Variants in KIF26B observed in about 807,000 individuals in gnomAD.
The protein encoded by KIF26B is kinesin family member 26B.
Under a neutral mutation model 151.2 loss-of-function variants are expected in KIF26B, and 63 were observed. The ratio of observed to expected loss-of-function variants is 0.42; its 90% CI spans 0.34 to 0.51. The LOEUF (loss-of-function observed/expected upper bound fraction) is 0.51, where lower values mean the gene tolerates loss of function less well. Among genes scored for constraint, KIF26B ranks in the 20% least tolerant of loss-of-function variants. The pLI is 0.07. For missense variants in KIF26B, 2,813 were observed against 2,913.6 expected, an observed-to-expected ratio of 0.97 and a Z score of 0.79; for synonymous variants, 1,357 against 1,262.1, an observed-to-expected ratio of 1.08 and a Z score of -1.59.
chr1:245,308,001 T>G lies in KIF26B; in HGVS notation c.466-58833T>G, dbSNP rs372616241. On this transcript the variant is annotated intron_variant, in intron 2 of 14. Transcript: ENST00000407071. Reference sequence around the variant, plus strand: ...TTAATCTTTCAGTCCAACTTTGATATCAATTGTTAACTCTTGAGACCATTT... The same window carrying G: ...TTAATCTTTCAGTCCAACTTTGATAGCAATTGTTAACTCTTGAGACCATTT... Among the ~76,000 whole-genome samples the G allele has an allele frequency of 4.6e-5, 7 of 152,222 alleles. No homozygotes were observed. In the East Asian group the frequency reaches 7.7e-4, roughly 17 times the overall value.
At chr1:245,633,197 T>A (rs1476811691) in intron 9 of KIF26B, among the ~76,000 whole-genome samples, 1 of 152,102 alleles carries the variant, frequency 6.6e-6, no homozygotes, top group Non-Finnish European at 1.5e-5. Context: ...TTTCATGGAA[T>A]AATTTTTTCC....
chr1:245,289,214 T>C (rs1455567565), intron 2 of KIF26B, among the ~76,000 whole-genome samples: 4 of 152,166 alleles, frequency 2.6e-5, no homozygotes, highest in African/African-American at 7.2e-5. Context: ...ATAATGAAAT[T>C]AGAATTTTGA....
intron 4 of KIF26B, among the ~76,000 whole-genome samples, chr1:245,486,868 G>A (rs868760151): frequency 5.9e-5 from 9 of 152,092 alleles, no homozygotes; most frequent in African/African-American, 2.2e-4. Flanking sequence ...ACAGGGTCTC[G>A]CTGTGTTGCC....
chr1:245,173,215 A>G (rs1668743156), intron 2 of KIF26B, among the ~76,000 whole-genome samples: 1 of 152,222 alleles, frequency 6.6e-6, no homozygotes, highest in Non-Finnish European at 1.5e-5. Flanking sequence ...TAGACATAGA[A>G]AGTAGGATGG....
At chr1:245,304,255 A>G (rs562831959) in intron 2 of KIF26B, among the ~76,000 whole-genome samples, 1 of 152,130 alleles carries the variant, frequency 6.6e-6, no homozygotes, top group African/African-American at 2.4e-5. Flanking sequence ...CCCTCTAGAG[A>G]TGGTTCTAAA....
intron 4 of KIF26B, among the ~76,000 whole-genome samples, chr1:245,450,264 CATA>C (rs1197169441): frequency 2.6e-5 from 4 of 152,204 alleles, no homozygotes; most frequent in Non-Finnish European, 5.9e-5. Flanking sequence ...TTGGAAACAA[CATA>C]ATGATTCCTT....
chr1:245,184,707 T>C (rs1573694792), intron 2 of KIF26B, among the ~76,000 whole-genome samples: 1 of 152,236 alleles, frequency 6.6e-6, no homozygotes, highest in Non-Finnish European at 1.5e-5. Context: ...CAGTTTCTCA[T>C]TGATGCAATT....
chr1:245,605,096 C>CT (rs910005827), intron 6 of KIF26B, among the ~76,000 whole-genome samples: 1 of 152,190 alleles, frequency 6.6e-6, no homozygotes, highest in African/African-American at 2.4e-5. Flanking sequence ...TCAGGCGAGT[C>CT]ACTCAACCTC....
chr1:245,202,304 G>A (rs1421491732), intron 2 of KIF26B, among the ~76,000 whole-genome samples: 2 of 152,164 alleles, frequency 1.3e-5, no homozygotes, highest in African/African-American at 4.8e-5. Context: ...CCAAGAAAAT[G>A]ATGAGAAATT....
chr1:245,528,989 G>A (rs973134691), intron 4 of KIF26B, among the ~76,000 whole-genome samples: 2 of 152,152 alleles, frequency 1.3e-5, no homozygotes, highest in African/African-American at 2.4e-5. Context: ...CACAGAGTGT[G>A]GCACCAACTT....
intron 2 of KIF26B, among the ~76,000 whole-genome samples, chr1:245,344,948 C>G (rs1345142336): frequency 6.6e-6 from 1 of 152,040 alleles, no homozygotes; most frequent in Non-Finnish European, 1.5e-5. Context: ...ATTCTATACC[C>G]CACCCGATGC....
At chr1:245,319,652 T>C (rs574277491) in intron 2 of KIF26B, among the ~76,000 whole-genome samples, 2 of 152,296 alleles carry the variant, frequency 1.3e-5, no homozygotes, top group Admixed American at 1.3e-4. Context: ...TGGAAAAATG[T>C]CTCCATTAAT....
At chr1:245,199,565 G>T (rs372933623) in intron 2 of KIF26B, among the ~76,000 whole-genome samples, 1 of 150,682 alleles carries the variant, frequency 6.6e-6, no homozygotes, top group African/African-American at 2.4e-5. Context: ...TGCAACCTCC[G>T]CCTCCCAGGT....
chr1:245,389,661 T>C (rs1035533332), intron 3 of KIF26B, among the ~76,000 whole-genome samples: 18 of 152,218 alleles, frequency 1.2e-4, no homozygotes, highest in Admixed American at 7.2e-4. Flanking sequence ...GTAAATTATG[T>C]TTTGGAGGAA....
At chr1:245,581,136 TGAG>T (rs1204617311) in intron 5 of KIF26B, among the ~76,000 whole-genome samples, 2 of 152,208 alleles carry the variant, frequency 1.3e-5, no homozygotes, top group South Asian at 2.1e-4. Context: ...GTTCCACACA[TGAG>T]GAGAAATCAA....
Position 245,703,668 on chromosome 1 carries a change from A to ATTTTCTAGTG in KIF26B, c.*1065_*1074dup, listed in dbSNP as rs1433656366. 3 of 152,126 alleles carry ATTTTCTAGTG rather than the reference A, an allele frequency of 2.0e-5. No homozygotes were observed. Among genetic ancestry groups the ATTTTCTAGTG allele is most frequent in the African/African-American group, 7.2e-5 (3 of 41,410 alleles). The allele number at this position is 152,126 out of a possible 1,614,324, so 9.4% of individuals were successfully genotyped here. A position where few individuals can be genotyped will look rare whatever the true frequency, so the allele number is the denominator to read the frequency against. On this transcript the variant is annotated 3_prime_UTR_variant, in exon 15 of 15. Coordinates refer to ENST00000407071, the MANE Select transcript of KIF26B (RefSeq NM_018012.4). ...CCAGAGCCATATTTCTTTCTTTAGT[A>ATTTTCTAGTG]TTTTCTAGTGTTGTGTTGTAGATTG...
intron 2 of KIF26B, among the ~76,000 whole-genome samples, chr1:245,363,995 G>A (rs966365048): frequency 2.0e-5 from 3 of 152,120 alleles, no homozygotes; most frequent in African/African-American, 7.2e-5. Context: ...ATGTATGTAC[G>A]GATTGGTCCT....
chr1:245,699,164 A>T, intron 14 of KIF26B, 127 bp downstream of exon 14: 1 of 965,240 alleles, frequency 1.0e-6, no homozygotes, highest in Non-Finnish European at 1.5e-6. Context: ...TGCCCATCAA[A>T]TGGAGGAAGT....
chr1:245,326,751 T>C (rs1169034076), intron 2 of KIF26B, among the ~76,000 whole-genome samples: 1 of 152,216 alleles, frequency 6.6e-6, no homozygotes, highest in Non-Finnish European at 1.5e-5. Flanking sequence ...CAGTCATTCC[T>C]GTGTTCCTAA....
Sources: allele counts gnomAD v4.1 joint callset (sites outside exome capture counted in the v4.1 genomes callset), GRCh38; gene constraint gnomAD v4.1.1; transcripts MANE v1.5; gene names NCBI Gene and HGNC (gene_info 2026-07-23, HGNC 2026-07-21).